The following LIFR variants were observed in gnomAD, a reference collection of about 807,000 sequenced individuals.
LIFR encodes the protein LIF receptor subunit alpha, also known as leukemia inhibitory factor receptor.
LIFR carries 84 observed loss-of-function variants against 122.2 expected under a neutral mutation model. That is an observed-to-expected ratio of 0.69 (90% confidence interval 0.58 to 0.82). The LOEUF (loss-of-function observed/expected upper bound fraction) is 0.82, where lower values mean the gene tolerates loss of function less well. Among genes scored for constraint, LIFR ranks in the 40% least tolerant of loss-of-function variants. LIFR has a pLI of 0.00. For synonymous variants in LIFR, 422 were observed against 434.7 expected (o/e 0.97, Z 0.36); for missense variants, 1,294 against 1,311.6 (o/e 0.99, Z 0.21).
chr5:38,517,965 A>G (rs2112524694), intron 5 of LIFR, among the ~76,000 whole-genome samples: 1 of 150,920 alleles, frequency 6.6e-6, no homozygotes, highest in African/African-American at 2.4e-5. Flanking sequence ...ACAAACAAAA[A>G]AAAACAGCTG....
chr5:38,491,392 T>C (rs1309782894), intron 14 of LIFR, among the ~76,000 whole-genome samples: 1 of 152,158 alleles, frequency 6.6e-6, no homozygotes, highest in Non-Finnish European at 1.5e-5. Context: ...GAGGTATGTA[T>C]CAGATGCCAT....
In LIFR at chr5:38,603,211, T is replaced by A. The variant is rs75646291; in HGVS notation, n.305+2994A>T. ...TTCCTTTCTTTCCTCTTCTAAAGCA[T>A]TTTTAATAAACTTCCACTTCTACTT... On this transcript the variant is annotated intron_variant and non_coding_transcript_variant, in intron 2 of 3. Transcript: ENST00000507786. Among the ~76,000 whole-genome samples, 968 of 152,314 alleles carry A rather than the reference T, an allele frequency of 6.4e-3. 11 individuals are homozygous for A. The highest frequency in any genetic ancestry group is 0.022 in the African/African-American group (924 of 41,572).
chr5:38,608,283 G>T (rs543855280), exon 1 of LIFR: 39 of 152,072 alleles, frequency 2.6e-4, no homozygotes, highest in African/African-American at 8.4e-4. Flanking sequence ...CCAAGCTGAA[G>T]AATTTATTTT....
intron 12 of LIFR, among the ~76,000 whole-genome samples, chr5:38,499,034 G>C (rs1745037669): frequency 6.6e-6 from 1 of 151,924 alleles, no homozygotes; most frequent in Admixed American, 6.6e-5. Flanking sequence ...TGTTCCAGCA[G>C]AGAAAAATTA....
In LIFR at chr5:38,493,773, A is replaced by G. The variant is rs768471216; in HGVS notation, c.1898T>C (p.Ile633Thr). Residue 633 changes from isoleucine (I) to threonine (T), a missense_variant, in exon 14 of 20, where the codon ATA becomes ACA. Transcript: ENST00000453190. ...SMEIPNDDLK[I>T]EQVVGMGKGI... ...CTTTCCCATCCCAACAACTTGTTCTATTTTGAGATCATCTTCAATAAGAAA... is the reference window on the plus strand; with the variant it reads ...CTTTCCCATCCCAACAACTTGTTCTGTTTTGAGATCATCTTCAATAAGAAA... The G allele has an allele frequency of 6.2e-7, 1 of 1,613,958 alleles. No individual in the cohort carries two copies. The highest frequency in any genetic ancestry group is 2.2e-5 in the East Asian group (1 of 44,880).
rs139248720 is a variant in LIFR, at chr5:38,485,854, G to A, written c.2462C>T (p.Pro821Leu). The change falls in exon 17 of 20, where the codon CCG becomes CTG. Residue 821 changes from proline (P) to leucine (L), a missense_variant. Coordinates refer to ENST00000453190, the MANE Select transcript of LIFR (RefSeq NM_001127671.2). ...TGTCACCACATACATACTCTTCTCC[G>A]GGCCCACTCCACCATCTGTATAGGC... ...LRAYTDGGVG[P>L]EKSMYVVTKE... 5.6e-6 allele frequency: 9 copies of A among 1,614,020 alleles called. No homozygotes were observed. Among genetic ancestry groups the A allele is most frequent in the East Asian group, 2.2e-5 (1 of 44,870 alleles).
intron 13 of LIFR, among the ~76,000 whole-genome samples, chr5:38,494,637 C>T (rs900491888): frequency 2.0e-5 from 3 of 151,996 alleles, no homozygotes; most frequent in African/African-American, 4.8e-5. Flanking sequence ...AATTTCCCAC[C>T]GTAACAGGAG....
intron 2 of LIFR, among the ~76,000 whole-genome samples, chr5:38,604,202 C>A (rs1750278102): frequency 6.6e-6 from 1 of 152,142 alleles, no homozygotes; most frequent in African/African-American, 2.4e-5. Flanking sequence ...CTGAGCTGGG[C>A]AGAACTTTTC....
In LIFR at chr5:38,547,550, C is replaced by T. The variant is rs529302212; in HGVS notation, c.-20+8784G>A. On this transcript the variant is annotated intron_variant, in intron 1 of 19. Coordinates refer to ENST00000453190, the MANE Select transcript of LIFR (RefSeq NM_001127671.2). ...TCAGTATTTGTCATAGATTCCAAGACGTATCTTTCACGACTACTGAGGGTC... is the reference window on the plus strand; with the variant it reads ...TCAGTATTTGTCATAGATTCCAAGATGTATCTTTCACGACTACTGAGGGTC... 6.5e-4 allele frequency among the ~76,000 whole-genome samples: 99 copies of T among 152,022 alleles called. 2 individuals are homozygous for T. The South Asian group carries it at 0.014, about 21-fold the overall frequency.
At chr5:38,513,975 C>T (rs1745942564) in intron 5 of LIFR, among the ~76,000 whole-genome samples, 1 of 151,698 alleles carries the variant, frequency 6.6e-6, no homozygotes, top group South Asian at 2.1e-4. Context: ...CATTACTATC[C>T]TCAGAGATAA....
At chr5:38,560,558 C>T (rs1487498299), upstream of LIFR, among the ~76,000 whole-genome samples, 2 of 151,736 alleles carry the variant, frequency 1.3e-5, no homozygotes, top group African/African-American at 2.4e-5. Context: ...AGCTTGGCCC[C>T]AACAGGATTG....
chr5:38,572,058 C>T (rs1429291948), intron 1 of LIFR, among the ~76,000 whole-genome samples: 1 of 152,128 alleles, frequency 6.6e-6, no homozygotes, highest in African/African-American at 2.4e-5. Flanking sequence ...TGGAGAAAAA[C>T]GATTCAAAAT....
chr5:38,600,617 G>C (rs185014280), intron 2 of LIFR, among the ~76,000 whole-genome samples: 1 of 152,256 alleles, frequency 6.6e-6, no homozygotes, highest in African/African-American at 2.4e-5. Flanking sequence ...ATATCACTGT[G>C]TTCTCTTGGT....
rs1214913239 is a variant in LIFR at position 38,556,521 on chromosome 5, G to A, written c.-207C>T. 1 of 150,730 alleles carries A rather than the reference G, an allele frequency of 6.6e-6. No individual in the cohort carries two copies. The highest frequency in any genetic ancestry group is 2.4e-5 in the African/African-American group (1 of 41,242). The allele number at this position is 150,730 out of a possible 1,614,324, so 9.3% of individuals were successfully genotyped here. A position where few individuals can be genotyped will look rare whatever the true frequency, so the allele number is the denominator to read the frequency against. On this transcript the variant is annotated 5_prime_UTR_variant, in exon 1 of 20. Transcript: ENST00000453190. ...CCCCTGTGTCGGCGCGAGGCTGCTTGAGGCGGCCACGGGCGAAGGGCGGCC... is the reference window on the plus strand; with the variant it reads ...CCCCTGTGTCGGCGCGAGGCTGCTTAAGGCGGCCACGGGCGAAGGGCGGCC...
Position 38,549,797 on chromosome 5 carries a change from C to CA in LIFR, c.-20+6536dup, listed in dbSNP as rs547543366. Among the ~76,000 whole-genome samples, 3 of 150,834 alleles carry CA rather than the reference C, an allele frequency of 2.0e-5. No homozygotes were observed. In the South Asian group the frequency reaches 6.3e-4, roughly 32 times the overall value. ...CACAGCGAGACTCCGTTTCCACACA[C>CA]AAAAAAAAACTTACAAAAATTATTT... On this transcript the variant is annotated intron_variant, in intron 1 of 19. Coordinates refer to ENST00000453190, the MANE Select transcript of LIFR (RefSeq NM_001127671.2).
At chr5:38,523,245 T>G (rs1157811671) in intron 5 of LIFR, among the ~76,000 whole-genome samples, 174 bp downstream of exon 5, 1 of 152,222 alleles carries the variant, frequency 6.6e-6, no homozygotes, top group African/African-American at 2.4e-5. Flanking sequence ...ACACATCATT[T>G]AATAATTAAC....
chr5:38,538,662 A>G (rs1747419609), intron 1 of LIFR, among the ~76,000 whole-genome samples: 1 of 151,912 alleles, frequency 6.6e-6, no homozygotes, highest in African/African-American at 2.4e-5. Flanking sequence ...CTCTTTCCCC[A>G]TCCTCTCCCT....
Position 38,476,654 on chromosome 5 carries a change from C to A in LIFR, c.*4941G>T, listed in dbSNP as rs1278285813. ...CACATCTCTTAGTTTTTAGGGTATT[C>A]AGTCCCAGCAACCAAAAAAAAAAAT... On this transcript the variant is annotated 3_prime_UTR_variant, in exon 20 of 20. Transcript: ENST00000453190. 4.4e-5 allele frequency: 9 copies of A among 204,632 alleles called. No individual in the cohort carries two copies. Among genetic ancestry groups the A allele is most frequent in the Non-Finnish European group, 8.0e-5 (8 of 100,612 alleles). The allele number at this position is 204,632 out of a possible 1,614,324, so 12.7% of individuals were successfully genotyped here.
chr5:38,510,833 C>T (rs999066077), intron 6 of LIFR, 115 bp from the exon 7 acceptor site: 20 of 800,190 alleles, frequency 2.5e-5, no homozygotes, highest in Non-Finnish European at 3.8e-5. Context: ...CCAGTATATA[C>T]ACTACAAACT....
Sources: allele counts gnomAD v4.1 joint callset (sites outside exome capture counted in the v4.1 genomes callset), GRCh38; gene constraint gnomAD v4.1.1; transcripts MANE v1.5; gene names NCBI Gene and HGNC (gene_info 2026-07-23, HGNC 2026-07-21).